Variants in PPFIA4 observed in about 807,000 individuals in gnomAD.
The protein encoded by PPFIA4 is liprin-alpha-4.
PPFIA4 carries 98 observed loss-of-function variants against 145.7 expected under a neutral mutation model. That is an observed-to-expected ratio of 0.67 (90% CI 0.57 to 0.80). PPFIA4 has a LOEUF of 0.80. Ranked by LOEUF, PPFIA4 falls within the 30% of genes least tolerant of loss-of-function variation. PPFIA4 has a pLI of 0.00. For missense variants in PPFIA4, 1,457 were observed against 1,632.7 expected, an observed-to-expected ratio of 0.89 and a Z score of 1.85; for synonymous variants, 628 against 649.6, an observed-to-expected ratio of 0.97 and a Z score of 0.51.
intron 1 of PPFIA4, among the ~76,000 whole-genome samples, chr1:203,027,807 A>C (rs1009011775): frequency 5.3e-5 from 8 of 152,194 alleles, no homozygotes; most frequent in African/African-American, 1.9e-4. Context: ...GTATTCTGTT[A>C]ACACCCTTCT....
At position 203,065,419 on chromosome 1, in the gene PPFIA4, G is replaced by A. The variant is rs369427366; in HGVS notation, c.3050+1416G>A. Among the ~76,000 whole-genome samples, 31 of 152,214 alleles carry A rather than the reference G, an allele frequency of 2.0e-4. No homozygotes were observed. In the East Asian group the frequency reaches 5.0e-3, roughly 25 times the overall value. On this transcript the variant is annotated intron_variant, in intron 25 of 29. Transcript: ENST00000295706. The stretch of plus-strand genomic sequence containing the variant: ...CCCCTACTCAGTGATTGATAGGGCT[G>A]GGGAGAGATGAGCTGTTGCCCCACC...
At chr1:203,034,855 C>A in intron 1 of PPFIA4, 1 of 361,220 alleles carries the variant, frequency 2.8e-6, no homozygotes, top group Middle Eastern at 3.9e-4. Context: ...CCTCCTTCTA[C>A]CCCTCTTTGG....
Position 203,044,359 on chromosome 1 carries a change from T to C in PPFIA4, c.502-20T>C, listed in dbSNP as rs74709396. Reference sequence around the variant, plus strand: ...AGTGGGGTCCCCCTTTCTTCCTCCATCTCCCCTTACCTCGAGCAGGTGCGA... The same window carrying C: ...AGTGGGGTCCCCCTTTCTTCCTCCACCTCCCCTTACCTCGAGCAGGTGCGA... On this transcript the variant is annotated intron_variant, in intron 4 of 29. Transcript: ENST00000295706. 11,342 of 1,549,112 alleles carry C rather than the reference T, an allele frequency of 7.3e-3. 687 individuals carry two copies. In the African/African-American group the frequency reaches 0.14, roughly 18 times the overall value.
In PPFIA4 at chr1:203,039,222, C is replaced by T; in HGVS notation, c.214C>T (p.Leu72Phe). 1 of 1,594,646 alleles carries T rather than the reference C, an allele frequency of 6.3e-7. No homozygotes were observed. Among genetic ancestry groups the T allele is most frequent in the Non-Finnish European group, 8.5e-7 (1 of 1,171,538 alleles). ...IHERDQLQRH[L>F]NSALPQEFAT... ...CGAGCGGGACCAGCTCCAGCGCCAC[C>T]TTAACTCCGCCCTCCCCCAGGTAAG... Residue 72 changes from leucine to phenylalanine, a missense_variant, in exon 2 of 30, where the codon CTT (leucine) becomes TTT (phenylalanine). Around this residue, in one of 3 missense-constraint regions of PPFIA4, gnomAD observed 463 missense variants for 459.8 expected, o/e 1.01. Transcript: ENST00000295706.
At chr1:203,046,965 C>T (rs1305699286) in intron 9 of PPFIA4, among the ~76,000 whole-genome samples, 1 of 152,150 alleles carries the variant, frequency 6.6e-6, no homozygotes, top group Non-Finnish European at 1.5e-5. Context: ...GAGAGGTGTG[C>T]TGGCTGAAAA....
At position 203,056,901 on chromosome 1, in the gene PPFIA4, G is replaced by A; in HGVS notation, c.2358G>A (p.Lys786=). ...KSSIGRLFGK[K]EKGRLIQLSR... ...CCATTGGCCGCCTGTTTGGGAAGAA[G>A]GAGAAGGGCAGGCTGATCCAGCTGA... Residue 786 remains lysine (K), a synonymous_variant, in exon 19 of 30, where the codon AAG becomes AAA. Transcript: ENST00000295706. 1.2e-6 allele frequency: 2 copies of A among 1,614,090 alleles called. No homozygotes were observed. The highest frequency in any genetic ancestry group is 1.7e-6 in the Non-Finnish European group (2 of 1,179,912).
intron 25 of PPFIA4, among the ~76,000 whole-genome samples, chr1:203,065,119 A>G (rs768182622): frequency 6.6e-6 from 1 of 152,234 alleles, no homozygotes; most frequent in Non-Finnish European, 1.5e-5. Flanking sequence ...ATGGATGAGA[A>G]CATTAAGGCA....
chr1:203,069,139 G>A (rs1661951100), intron 27 of PPFIA4, among the ~76,000 whole-genome samples: 1 of 152,154 alleles, frequency 6.6e-6, no homozygotes, highest in Admixed American at 6.5e-5. Flanking sequence ...CAGGGCTTTG[G>A]CTCTCTGTCA....
At chr1:203,058,239 G>A (rs1661114443) in intron 19 of PPFIA4, among the ~76,000 whole-genome samples, 2 of 152,166 alleles carry the variant, frequency 1.3e-5, no homozygotes, top group South Asian at 4.1e-4. Flanking sequence ...GGAGGAGGTT[G>A]GGGAAAGAGG....
chr1:203,043,433 C>G lies in PPFIA4; in HGVS notation c.271C>G (p.Arg91Gly). 1 of 1,611,502 alleles carries G rather than the reference C, an allele frequency of 6.2e-7. No homozygotes were observed. The highest frequency in any genetic ancestry group is 8.5e-7 in the Non-Finnish European group (1 of 1,179,344). ...CTTAACCCGGGAGCTGAGCATGTGTCGGGAGCAGCTTCTAGAGCGGGAGGA... is the reference window on the plus strand; with the variant it reads ...CTTAACCCGGGAGCTGAGCATGTGTGGGGAGCAGCTTCTAGAGCGGGAGGA... ...ATLTRELSMC[R>G]EQLLEREEEI... Residue 91 changes from arginine (R) to glycine (G), a missense_variant, in exon 3 of 30, where the codon CGG becomes GGG. By Grantham distance (125) the Arg-to-Gly change is moderately radical. Coordinates refer to ENST00000295706, the MANE Select transcript of PPFIA4 (RefSeq NM_001304331.2). The surrounding 1 kb of genome is among the most constrained non-coding windows in gnomAD (Gnocchi z 4.4).
At chr1:203,027,182 G>T (rs1336950507) in intron 1 of PPFIA4, among the ~76,000 whole-genome samples, 1 of 152,160 alleles carries the variant, frequency 6.6e-6, no homozygotes, top group Non-Finnish European at 1.5e-5. Flanking sequence ...CAGGGCGGTG[G>T]GGTGGAAGGA....
intron 17 of PPFIA4, 21 bp downstream of exon 17, chr1:203,056,176 C>T (rs1401417779): frequency 1.9e-6 from 3 of 1,613,748 alleles, no homozygotes; most frequent in East Asian, 2.2e-5. Context: ...CCTGATGGCC[C>T]AGGTACTAAC....
At position 203,044,090 on chromosome 1, in the gene PPFIA4, G is replaced by A; in HGVS notation, c.496G>A (p.Glu166Lys). The change falls in exon 4 of 30, where the codon GAG becomes AAG. Residue 166 changes from glutamate (E) to lysine (K), a missense_variant. Coordinates refer to ENST00000295706, the MANE Select transcript of PPFIA4 (RefSeq NM_001304331.2). ...GTTTGAGCACCACAAGGCCCTGGAT[G>A]AGAAGGTGCCCACCTGCCCGCCAGC... is the stretch of plus-strand genomic sequence containing the variant. ...SLFEHHKALD[E>K]KVRERLRAAL... The A allele has an allele frequency of 6.3e-7, 1 of 1,587,530 alleles. No individual in the cohort carries two copies. The highest frequency in any genetic ancestry group is 8.6e-7 in the Non-Finnish European group (1 of 1,166,234).
At chr1:203,037,096 T>C in intron 1 of PPFIA4, 1 of 249,224 alleles carries the variant, frequency 4.0e-6, no homozygotes, top group South Asian at 3.2e-5. Context: ...ATTTTCAAGC[T>C]GGTGCACTAA....
chr1:203,061,797 G>T, intron 24 of PPFIA4, 119 bp downstream of exon 24: 1 of 1,082,062 alleles, frequency 9.2e-7, no homozygotes, highest in Non-Finnish European at 1.3e-6. Context: ...CTGGACATAG[G>T]TTCTCTGCTC....
Position 203,067,781 on chromosome 1 carries a change from A to G in PPFIA4, c.3137A>G (p.His1046Arg). Residue 1046 changes from histidine (H) to arginine (R), a missense_variant, in exon 26 of 30, where the codon CAT becomes CGT. Physicochemically the swap from His to Arg is conservative, Grantham distance 29 (BLOSUM62 0). Coordinates refer to ENST00000295706, the MANE Select transcript of PPFIA4 (RefSeq NM_001304331.2). ...GAGAAGAGGCGAGAGGAGAGCCAGCATGAGATCAAGGGTAAGCTCGTCAGG... is the reference window on the plus strand; with the variant it reads ...GAGAAGAGGCGAGAGGAGAGCCAGCGTGAGATCAAGGGTAAGCTCGTCAGG... The part of the protein sequence containing the change: ...ELEKRREESQ[H>R]EIKDVLVWTN... 6.2e-7 allele frequency: 1 copy of G among 1,613,722 alleles called. No homozygotes were observed. Among genetic ancestry groups the G allele is most frequent in the Non-Finnish European group, 8.5e-7 (1 of 1,179,838 alleles).
At chr1:203,031,501 C>T (rs1000123305) in intron 1 of PPFIA4, among the ~76,000 whole-genome samples, 4 of 150,596 alleles carry the variant, frequency 2.7e-5, no homozygotes, top group Admixed American at 1.4e-4. Flanking sequence ...TCTGTGACCA[C>T]ATACTAATGC....
intron 15 of PPFIA4, among the ~76,000 whole-genome samples, chr1:203,054,701 C>CAT (rs1553257577): frequency 6.8e-6 from 1 of 147,780 alleles, no homozygotes. Flanking sequence ...CACACACACA[C>CAT]ATACACACAC....
intron 28 of PPFIA4, among the ~76,000 whole-genome samples, chr1:203,073,477 G>A (rs1197846989): frequency 6.6e-6 from 1 of 152,202 alleles, no homozygotes; most frequent in East Asian, 1.9e-4. Context: ...TAGAGTAGAA[G>A]CCAGGTCCTG....
Sources: gnomAD v4.1 joint callset for allele counts (sites outside exome capture counted in the v4.1 genomes callset) on GRCh38, gnomAD v4.1.1 for gene constraint, gnomAD v4.1.1 regional missense constraint, Gnocchi (gnomAD v3.1) non-coding constraint, MANE v1.5 for transcripts, NCBI Gene and HGNC (gene_info 2026-07-23, HGNC 2026-07-21) for gene names.